Variants in ZBTB20 observed in about 807,000 individuals in gnomAD.
ZBTB20 encodes zinc finger and BTB domain containing 20.
A neutral mutation model predicts 56.9 loss-of-function variants in ZBTB20; 9 were observed. The observed-to-expected ratio is 0.16, with a 90% confidence interval of 0.10 to 0.28. ZBTB20 has a LOEUF of 0.28. Ranked by LOEUF, ZBTB20 falls within the 10% of genes least tolerant of loss-of-function variation. ZBTB20 has a pLI of 1.00. For synonymous variants in ZBTB20, 417 were observed against 420.7 expected (o/e 0.99, Z 0.11); for missense variants, 655 against 1,003.0 (o/e 0.65, Z 4.69).
In ZBTB20 at chr3:114,887,066, C is replaced by T. The variant is rs139555410; in HGVS notation, c.-417+13238G>A. ...CGTAGGACATCACATGGCAAGGGGG[C>T]AGACTGTGCTAGCGCAGGTCTCTCT... On this transcript the variant is annotated intron_variant, in intron 4 of 11. Transcript: ENST00000675478. 5.3e-5 allele frequency among the ~76,000 whole-genome samples: 8 copies of T among 152,264 alleles called. No homozygotes were observed. In the East Asian group the frequency reaches 1.5e-3, roughly 29 times the overall value.
chr3:114,849,812 G>T (rs9878246), intron 4 of ZBTB20, among the ~76,000 whole-genome samples: 1 of 151,596 alleles, frequency 6.6e-6, no homozygotes, highest in Non-Finnish European at 1.5e-5. Flanking sequence ...GTTAACCCCT[G>T]GTTTAATTTA....
At chr3:114,501,779 G>GCTCACTGC (rs1239283342) in intron 6 of ZBTB20, among the ~76,000 whole-genome samples, 2 of 146,860 alleles carry the variant, frequency 1.4e-5, no homozygotes, top group Non-Finnish European at 3.0e-5. Flanking sequence ...CACGATCTTG[G>GCTCACTGC]CTCACTGCAA....
At chr3:115,125,496 T>A (rs2084305651) in intron 1 of ZBTB20, among the ~76,000 whole-genome samples, 1 of 152,174 alleles carries the variant, frequency 6.6e-6, no homozygotes, top group Non-Finnish European at 1.5e-5. Flanking sequence ...AAATACAGCA[T>A]GTTCTCACTC....
chr3:114,984,218 C>A (rs1469385016), intron 2 of ZBTB20, among the ~76,000 whole-genome samples: 1 of 151,980 alleles, frequency 6.6e-6, no homozygotes, highest in African/African-American at 2.4e-5. Flanking sequence ...GGCCCATTCC[C>A]AGTCCTAATC....
intron 3 of ZBTB20, among the ~76,000 whole-genome samples, chr3:114,966,493 A>G (rs948792925): frequency 1.3e-5 from 2 of 152,126 alleles, no homozygotes; most frequent in Non-Finnish European, 2.9e-5. Context: ...CAATTTATTA[A>G]TAATATCTCC....
Position 114,339,070 on chromosome 3 carries a change from G to T in ZBTB20, c.2161C>A (p.Pro721Thr). 6.4e-7 allele frequency: 1 copy of T among 1,560,772 alleles called. No individual in the cohort carries two copies. Among genetic ancestry groups the T allele is most frequent in the Non-Finnish European group, 8.7e-7 (1 of 1,151,824 alleles). Residue 721 changes from proline to threonine, a missense_variant, in exon 12 of 12, where the codon CCA (proline) becomes ACA (threonine). Pro to Thr is a conservative substitution (Grantham distance 38). Transcript: ENST00000675478. This position sits in a 1 kb window ranked among gnomAD's most constrained non-coding sequence, Gnocchi z 4.2. ...EGTTYVCSVC[P>T]AKFDQIEQFN... ...TGCTCGATTTGGTCAAACTTTGCTG[G>T]GCAGACGGAGCAGACGTAAGTGGTC...
intron 1 of ZBTB20, among the ~76,000 whole-genome samples, chr3:115,098,180 T>C (rs2083446827): frequency 6.6e-6 from 1 of 152,302 alleles, no homozygotes; most frequent in South Asian, 2.1e-4. Context: ...TATTTATCCA[T>C]ACATGTATGA....
intron 7 of ZBTB20, among the ~76,000 whole-genome samples, chr3:114,422,135 G>A (rs56354910): frequency 6.6e-6 from 1 of 152,250 alleles, no homozygotes; most frequent in East Asian, 1.9e-4. Flanking sequence ...CGGCATGATA[G>A]AGGGTAAAAT....
chr3:114,613,013 A>G (rs1005290398), intron 6 of ZBTB20, among the ~76,000 whole-genome samples: 1 of 152,228 alleles, frequency 6.6e-6, no homozygotes, highest in African/African-American at 2.4e-5. Flanking sequence ...AGCCAAGGGC[A>G]TCAGATTAAA....
At chr3:114,854,756 A>G (rs1379404345) in intron 4 of ZBTB20, among the ~76,000 whole-genome samples, 2 of 152,174 alleles carry the variant, frequency 1.3e-5, no homozygotes, top group Non-Finnish European at 2.9e-5. Flanking sequence ...TCTTAAAAGT[A>G]TATTTTGCTT....
chr3:114,980,803 A>C (rs1158989115), intron 2 of ZBTB20, among the ~76,000 whole-genome samples: 1 of 152,044 alleles, frequency 6.6e-6, no homozygotes, highest in Non-Finnish European at 1.5e-5. Context: ...TCACCAGCGT[A>C]GCTAATCACT....
chr3:114,819,238 A>G (rs1470720406), intron 4 of ZBTB20, among the ~76,000 whole-genome samples: 1 of 151,980 alleles, frequency 6.6e-6, no homozygotes, highest in Non-Finnish European at 1.5e-5. Flanking sequence ...AAAACATACT[A>G]TGCTTCTGAA....
chr3:114,633,351 A>G (rs1428172323), intron 6 of ZBTB20, among the ~76,000 whole-genome samples: 1 of 152,222 alleles, frequency 6.6e-6, no homozygotes, highest in Admixed American at 6.5e-5. Context: ...AACATTGTAC[A>G]CTGTATCACA....
At chr3:114,510,985 T>C (rs977704200) in intron 6 of ZBTB20, among the ~76,000 whole-genome samples, 5 of 151,296 alleles carry the variant, frequency 3.3e-5, no homozygotes, top group South Asian at 4.2e-4. Context: ...CACTGTTTTC[T>C]AACTTTTCAA....
At chr3:115,099,339 A>G (rs1451706965) in intron 1 of ZBTB20, among the ~76,000 whole-genome samples, 1 of 152,156 alleles carries the variant, frequency 6.6e-6, no homozygotes, top group Non-Finnish European at 1.5e-5. Flanking sequence ...CACCCTCCCC[A>G]AGCATAAATA....
intron 5 of ZBTB20, among the ~76,000 whole-genome samples, chr3:114,731,730 C>CCCGGCTGTACCTAGATTAGTAACTAAT (rs1560181542): frequency 6.6e-6 from 1 of 150,494 alleles, no homozygotes; most frequent in East Asian, 2.0e-4. Flanking sequence ...TAGTAACTAA[C>CCCGGCTGTACCTAGATTAGTAACTAAT]CCGGCTGTAC....
At chr3:114,748,201 A>G (rs2108631498) in intron 5 of ZBTB20, among the ~76,000 whole-genome samples, 2 of 152,292 alleles carry the variant, frequency 1.3e-5, no homozygotes, top group African/African-American at 2.4e-5. Flanking sequence ...AAAGACCCAG[A>G]ATCTTAACAT....
At chr3:114,638,786 A>C (rs2059408356) in intron 6 of ZBTB20, among the ~76,000 whole-genome samples, 2 of 152,060 alleles carry the variant, frequency 1.3e-5, no homozygotes, top group African/African-American at 4.8e-5. Context: ...TATTATATAC[A>C]ATAAAAGCAA....
chr3:114,348,760 A>G (rs1270659580), intron 11 of ZBTB20, among the ~76,000 whole-genome samples: 2 of 152,162 alleles, frequency 1.3e-5, no homozygotes, highest in African/African-American at 2.4e-5. Context: ...TCAGTCCCCA[A>G]TCTAAACTTC....
Sources: allele counts gnomAD v4.1 joint callset (sites outside exome capture counted in the v4.1 genomes callset), GRCh38; gene constraint gnomAD v4.1.1; non-coding constraint Gnocchi (gnomAD v3.1); transcripts MANE v1.5; gene names NCBI Gene and HGNC (gene_info 2026-07-23, HGNC 2026-07-21).